PCCB: variants seen among roughly 807,000 people sequenced by gnomAD.
PCCB encodes propionyl-CoA carboxylase subunit beta.
PCCB carries 43 observed loss-of-function variants against 60.7 expected under a neutral mutation model. That is an observed-to-expected ratio of 0.71 (90% CI 0.55 to 0.91). The LOEUF (loss-of-function observed/expected upper bound fraction) is 0.91, where lower values mean the gene tolerates loss of function less well. PCCB is among the 40% of genes least tolerant of loss of function. The pLI is 0.00. For synonymous variants in PCCB, 276 were observed against 255.9 expected (o/e 1.08, Z -0.75); for missense variants, 766 against 702.8 (o/e 1.09, Z -1.02).
chr3:136,302,714 C>A (rs1336264113), intron 9 of PCCB, among the ~76,000 whole-genome samples: 1 of 112,910 alleles, frequency 8.9e-6, no homozygotes, highest in Non-Finnish European at 2.0e-5. Flanking sequence ...TCCCTCCCCC[C>A]TCCCCCAACC....
At chr3:136,311,394 C>T (rs772091316) in intron 9 of PCCB, among the ~76,000 whole-genome samples, 1 of 152,136 alleles carries the variant, frequency 6.6e-6, no homozygotes, top group South Asian at 2.1e-4. Flanking sequence ...CTCTGTCACC[C>T]AGGATGGAGT....
At chr3:136,291,998 C>A (rs1933715971) in intron 6 of PCCB, among the ~76,000 whole-genome samples, 1 of 152,194 alleles carries the variant, frequency 6.6e-6, no homozygotes, top group Non-Finnish European at 1.5e-5. Flanking sequence ...TCAGCCCTGG[C>A]TCTGGAGGAG....
At chr3:136,326,187 G>T in intron 10 of PCCB, 1 of 580,752 alleles carries the variant, frequency 1.7e-6, no homozygotes, top group Admixed American at 3.1e-5. Flanking sequence ...TTATGTTTTT[G>T]GTCTGTATTC....
chr3:136,256,152 A>G, intron 2 of PCCB, 177 bp downstream of exon 2: 2 of 915,518 alleles, frequency 2.2e-6, no homozygotes, highest in South Asian at 3.3e-5. Context: ...CATGTTGGTC[A>G]GGCTGGCCTT....
chr3:136,299,878 GTGTA>G (rs985270536), intron 8 of PCCB, among the ~76,000 whole-genome samples: 2 of 148,688 alleles, frequency 1.3e-5, no homozygotes, highest in African/African-American at 2.6e-5. Context: ...ATGCATGCAT[GTGTA>G]TGTACGTATA....
chr3:136,302,726 C>G (rs1190572167), intron 9 of PCCB, among the ~76,000 whole-genome samples: 1 of 112,696 alleles, frequency 8.9e-6, no homozygotes, highest in African/African-American at 2.6e-5. Context: ...CCCCCAACCC[C>G]ACAACAGTCC....
chr3:136,266,861 TC>T (rs1941997341), intron 5 of PCCB, among the ~76,000 whole-genome samples: 3 of 152,166 alleles, frequency 2.0e-5, no homozygotes, highest in Admixed American at 2.0e-4. Flanking sequence ...GTCTTTTCTT[TC>T]TTAGTGGTAG....
chr3:136,290,671 G>GTTTTTTATTTTTTTTTTTT (rs1933637850), intron 6 of PCCB, among the ~76,000 whole-genome samples: 1 of 60,050 alleles, frequency 1.7e-5, no homozygotes, highest in Non-Finnish European at 2.7e-5. Flanking sequence ...TCTCTGTGTA[G>GTTTTTTATTTTTTTTTTTT]TTTTTTTTTT....
At chr3:136,276,020 C>T (rs1942323245) in intron 5 of PCCB, among the ~76,000 whole-genome samples, 1 of 152,166 alleles carries the variant, frequency 6.6e-6, no homozygotes, top group South Asian at 2.1e-4. Flanking sequence ...ATCCACCTGC[C>T]TTGGCCTCCC....
At chr3:136,268,110 A>ATATATATATATG (rs1331216369) in intron 5 of PCCB, among the ~76,000 whole-genome samples, 1 of 126,590 alleles carries the variant, frequency 7.9e-6, no homozygotes, top group Non-Finnish European at 1.7e-5. Context: ...ATATATATAT[A>ATATATATATATG]TATATATATA....
At chr3:136,300,121 T>G (rs922614606) in intron 8 of PCCB, among the ~76,000 whole-genome samples, 5 of 151,610 alleles carry the variant, frequency 3.3e-5, no homozygotes, top group African/African-American at 1.2e-4. Flanking sequence ...TATCTACACG[T>G]GTATATATGT....
chr3:136,265,624 G>A (rs1423539929), intron 5 of PCCB, among the ~76,000 whole-genome samples: 3 of 152,162 alleles, frequency 2.0e-5, no homozygotes, highest in African/African-American at 7.2e-5. Context: ...ATTACTTTGT[G>A]TGGATATATG....
intron 9 of PCCB, among the ~76,000 whole-genome samples, chr3:136,301,576 G>A (rs916295100): frequency 6.6e-6 from 1 of 151,962 alleles, no homozygotes; most frequent in African/African-American, 2.4e-5. Flanking sequence ...ACCTTTTTTT[G>A]GTACAGCAGA....
At chr3:136,306,902 G>T (rs1259368851) in intron 9 of PCCB, among the ~76,000 whole-genome samples, 1 of 122,718 alleles carries the variant, frequency 8.1e-6, no homozygotes, top group African/African-American at 2.5e-5. Flanking sequence ...CTGAGCACGT[G>T]GGAAAATTGA....
At chr3:136,273,590 C>CTTTTTTTTTTTTTTTTT (rs1942257481) in intron 5 of PCCB, among the ~76,000 whole-genome samples, 19 of 65,618 alleles carry the variant, frequency 2.9e-4, no homozygotes, top group East Asian at 3.6e-4. Flanking sequence ...TTTTTTTTTT[C>CTTTTTTTTTTTTTTTTT]TTTTTTCTTT....
chr3:136,251,294 T>C (rs1287018478), intron 1 of PCCB: 3 of 456,362 alleles, frequency 6.6e-6, no homozygotes, highest in East Asian at 1.4e-4. Flanking sequence ...TTTGGAGAGG[T>C]GATCCCTGAC....
At chr3:136,279,014 A>T (rs1480653326) in intron 5 of PCCB, among the ~76,000 whole-genome samples, 1 of 152,036 alleles carries the variant, frequency 6.6e-6, no homozygotes, top group Non-Finnish European at 1.5e-5. Flanking sequence ...TATTTTTTTA[A>T]CTGGTATATT....
At chr3:136,268,539 C>T (rs2108159152) in intron 5 of PCCB, among the ~76,000 whole-genome samples, 1 of 150,856 alleles carries the variant, frequency 6.6e-6, no homozygotes, top group South Asian at 2.1e-4. Flanking sequence ...TCTCAGCTCA[C>T]TGCAACCTCC....
chr3:136,310,129 C>T (rs918923225), intron 9 of PCCB, among the ~76,000 whole-genome samples: 9 of 151,990 alleles, frequency 5.9e-5, no homozygotes, highest in East Asian at 3.9e-4. Flanking sequence ...TTTGGGAGGC[C>T]GAGGTGGGCG....
Sources: allele counts gnomAD v4.1 joint callset (sites outside exome capture counted in the v4.1 genomes callset), GRCh38; gene constraint gnomAD v4.1.1; transcripts MANE v1.5; gene names NCBI Gene and HGNC (gene_info 2026-07-23, HGNC 2026-07-21).